UIMC1: variants seen among roughly 807,000 people sequenced by gnomAD.
The protein encoded by UIMC1 is BRCA1-A complex subunit RAP80.
Under a neutral mutation model 84.9 loss-of-function variants are expected in UIMC1, and 42 were observed. The observed-to-expected ratio is 0.49, with a 90% CI of 0.39 to 0.64. UIMC1 has a LOEUF of 0.64. UIMC1 is among the 30% of genes least tolerant of loss of function. UIMC1 has a pLI of 0.00. For synonymous variants in UIMC1, 281 were observed against 293.0 expected (o/e 0.96, Z 0.42); for missense variants, 825 against 847.6 (o/e 0.97, Z 0.33).
At chr5:176,925,715 A>C (rs1006220500) in intron 10 of UIMC1, among the ~76,000 whole-genome samples, 2 of 152,220 alleles carry the variant, frequency 1.3e-5, no homozygotes, top group African/African-American at 4.8e-5. Context: ...ACTGCAGAAT[A>C]TCATATAAGC....
chr5:176,922,276 C>T (rs1761805340), intron 10 of UIMC1, among the ~76,000 whole-genome samples: 1 of 152,182 alleles, frequency 6.6e-6, no homozygotes, highest in Non-Finnish European at 1.5e-5. Context: ...ATAGTTGCTG[C>T]TAAATAAATA....
rs1057214164 is a variant in UIMC1 at position 176,973,282 on chromosome 5, G to T, written c.232+2114C>A. Among the ~76,000 whole-genome samples the T allele has an allele frequency of 2.0e-5, 3 of 152,074 alleles. No homozygotes were observed. The South Asian group carries it at 6.2e-4, about 31-fold the overall frequency. ...ACCATCCCCAAGTGGACAAAAATTG[G>T]TTCTTGGAGGCAAAAATAAAATAAA... On this transcript the variant is annotated intron_variant, in intron 3 of 14. Transcript: ENST00000511320.
intron 1 of UIMC1, among the ~76,000 whole-genome samples, chr5:176,990,998 ATTT>A (rs1040766899): frequency 1.3e-5 from 2 of 151,280 alleles, no homozygotes. Context: ...TTTTTATTTT[ATTT>A]TTTATTTTTA....
At chr5:176,974,475 CG>C (rs1180255343) in intron 3 of UIMC1, among the ~76,000 whole-genome samples, 1 of 151,926 alleles carries the variant, frequency 6.6e-6, no homozygotes, top group Non-Finnish European at 1.5e-5. Context: ...ATAACCTTAG[CG>C]TAGTCAAAGA....
intron 10 of UIMC1, among the ~76,000 whole-genome samples, chr5:176,938,285 G>T (rs1049396730): frequency 2.7e-5 from 4 of 150,330 alleles, no homozygotes; most frequent in African/African-American, 9.8e-5. Flanking sequence ...TTAAAACTAG[G>T]TTGGGAGCCT....
intron 12 of UIMC1, 133 bp downstream of exon 12, chr5:176,908,390 C>G (rs1759681370): frequency 2.2e-6 from 2 of 911,778 alleles, no homozygotes; most frequent in South Asian, 5.9e-5. Flanking sequence ...TTTTAAAAAG[C>G]ACAAATCTTG....
intron 6 of UIMC1, among the ~76,000 whole-genome samples, chr5:176,960,885 G>A (rs1473898617): frequency 1.7e-5 from 1 of 59,574 alleles, no homozygotes; most frequent in Non-Finnish European, 3.0e-5. Flanking sequence ...CGCCAACCTC[G>A]GCCTCCCGAG....
At chr5:176,947,946 G>A (rs1765348659) in intron 9 of UIMC1, among the ~76,000 whole-genome samples, 1 of 150,876 alleles carries the variant, frequency 6.6e-6, no homozygotes, top group African/African-American at 2.4e-5. Context: ...CACTTCAAGA[G>A]AAATGAACCC....
chr5:176,951,020 T>C (rs1193841139), intron 9 of UIMC1, among the ~76,000 whole-genome samples: 1 of 152,144 alleles, frequency 6.6e-6, no homozygotes, highest in African/African-American at 2.4e-5. Flanking sequence ...GACAGCTATC[T>C]TGACTTTGCA....
At chr5:177,013,631 T>C (rs1345894875) in intron 1 of UIMC1, among the ~76,000 whole-genome samples, 2 of 152,090 alleles carry the variant, frequency 1.3e-5, no homozygotes, top group Non-Finnish European at 2.9e-5. Context: ...TAACTTCCAG[T>C]TAAAGGAAAC....
chr5:176,955,661 T>C (rs1014505015), intron 8 of UIMC1, among the ~76,000 whole-genome samples: 5 of 152,212 alleles, frequency 3.3e-5, no homozygotes, highest in South Asian at 2.1e-4. Context: ...GCAAATGCTA[T>C]TCCTGATGCT....
chr5:177,011,189 G>A (rs149690581), upstream of UIMC1, among the ~76,000 whole-genome samples: 1,350 of 147,488 alleles, frequency 9.2e-3, 8 homozygotes, highest in South Asian at 0.025. Flanking sequence ...GCAAGACCCT[G>A]TCACAAAAAA....
intron 6 of UIMC1, among the ~76,000 whole-genome samples, chr5:176,959,126 T>C (rs1212954046): frequency 6.6e-6 from 1 of 152,230 alleles, no homozygotes; most frequent in East Asian, 1.9e-4. Context: ...TAATAGGGAA[T>C]ATAGTCATTA....
At chr5:176,985,607 G>GT (rs200571695) in intron 1 of UIMC1, among the ~76,000 whole-genome samples, 2 of 151,882 alleles carry the variant, frequency 1.3e-5, no homozygotes, top group East Asian at 3.9e-4. Context: ...TTACCTACAA[G>GT]TTTTTTTTCT....
intron 8 of UIMC1, among the ~76,000 whole-genome samples, chr5:176,953,505 C>CACACACAT (rs1210504535): frequency 1.3e-5 from 2 of 151,154 alleles, no homozygotes; most frequent in Non-Finnish European, 3.0e-5. Context: ...TACACACACA[C>CACACACAT]ACACACACAC....
chr5:176,932,055 AGAG>A (rs1554112835), intron 10 of UIMC1, among the ~76,000 whole-genome samples: 3 of 152,204 alleles, frequency 2.0e-5, no homozygotes, highest in Non-Finnish European at 4.4e-5. Flanking sequence ...TATTAATCCC[AGAG>A]GAGTAAAATG....
chr5:176,986,549 A>AC (rs1381894349), intron 1 of UIMC1, among the ~76,000 whole-genome samples: 6 of 149,508 alleles, frequency 4.0e-5, no homozygotes, highest in African/African-American at 7.4e-5. Context: ...AAAAAAAAAA[A>AC]AAAAAAAAGG....
intron 1 of UIMC1, among the ~76,000 whole-genome samples, chr5:176,997,283 T>A (rs1422657965): frequency 6.6e-6 from 1 of 152,066 alleles, no homozygotes; most frequent in African/African-American, 2.4e-5. Flanking sequence ...TGTAGACAAT[T>A]TTAACAGACT....
At chr5:176,918,921 C>T (rs1761365160) in intron 10 of UIMC1, among the ~76,000 whole-genome samples, 2 of 152,164 alleles carry the variant, frequency 1.3e-5, no homozygotes, top group Admixed American at 6.6e-5. Context: ...ACTGGCCTCA[C>T]TTTTTATTTA....
Sources: gnomAD v4.1 joint callset for allele counts (sites outside exome capture counted in the v4.1 genomes callset) on GRCh38, gnomAD v4.1.1 for gene constraint, MANE v1.5 for transcripts, NCBI Gene and HGNC (gene_info 2026-07-23, HGNC 2026-07-21) for gene names.